The following CNTNAP2 variants were observed in gnomAD, a reference collection of about 807,000 sequenced individuals.
CNTNAP2 encodes contactin-associated protein-like 2.
CNTNAP2 carries 98 observed loss-of-function variants against 155.2 expected under a neutral mutation model. The observed-to-expected ratio is 0.63, with a 90% CI of 0.54 to 0.75. CNTNAP2 has a LOEUF of 0.75. Ranked by LOEUF, CNTNAP2 falls within the 30% of genes least tolerant of loss-of-function variation. The pLI is 0.00. For missense variants in CNTNAP2, 1,727 were observed against 1,688.1 expected, an observed-to-expected ratio of 1.02 and a Z score of -0.40; for synonymous variants, 651 against 631.2, an observed-to-expected ratio of 1.03 and a Z score of -0.47.
At chr7:148,344,942 G>A (rs182835090) in intron 21 of CNTNAP2, among the ~76,000 whole-genome samples, 111 of 152,278 alleles carry the variant, frequency 7.3e-4, no homozygotes, top group Middle Eastern at 3.4e-3. Context: ...AGTCCATGCC[G>A]CGATTTAGCC....
At chr7:146,848,709 G>A (rs2129202554) in intron 3 of CNTNAP2, among the ~76,000 whole-genome samples, 1 of 152,270 alleles carries the variant, frequency 6.6e-6, no homozygotes, top group Middle Eastern at 3.4e-3. Flanking sequence ...GGAATGGAGA[G>A]TGGGATTCTA....
intron 3 of CNTNAP2, among the ~76,000 whole-genome samples, chr7:146,903,207 G>A (rs147009014): frequency 1.2e-3 from 177 of 152,144 alleles, no homozygotes; most frequent in African/African-American, 3.3e-3. Context: ...ATCAAATATC[G>A]GACCTTGAGG....
chr7:148,033,924 C>A (rs1802527123), intron 15 of CNTNAP2, among the ~76,000 whole-genome samples: 1 of 152,042 alleles, frequency 6.6e-6, no homozygotes, highest in Non-Finnish European at 1.5e-5. Context: ...AAAACTCTTT[C>A]AAGGAGAAAC....
chr7:146,955,609 C>T (rs1356594925), intron 3 of CNTNAP2, among the ~76,000 whole-genome samples: 2 of 151,724 alleles, frequency 1.3e-5, no homozygotes, highest in African/African-American at 4.8e-5. Flanking sequence ...ATAAGTTTAT[C>T]GAAGATATTA....
chr7:146,531,677 C>T (rs541691604), intron 1 of CNTNAP2, among the ~76,000 whole-genome samples: 8 of 152,054 alleles, frequency 5.3e-5, no homozygotes, highest in East Asian at 1.9e-4. Flanking sequence ...TCCCAAGTAG[C>T]GGGATTACAG....
chr7:147,421,687 C>A (rs1563198414), intron 10 of CNTNAP2, among the ~76,000 whole-genome samples: 1 of 150,408 alleles, frequency 6.6e-6, no homozygotes, highest in Non-Finnish European at 1.5e-5. Context: ...TTTCCCCACC[C>A]AAATCTCATG....
chr7:148,275,742 G>A (rs939531553), intron 21 of CNTNAP2, among the ~76,000 whole-genome samples: 13 of 152,172 alleles, frequency 8.5e-5, no homozygotes, highest in Non-Finnish European at 8.8e-5. Context: ...TGGGCTCCAA[G>A]AAGGAGCTTT....
At chr7:148,167,258 G>A (rs994977199) in intron 17 of CNTNAP2, among the ~76,000 whole-genome samples, 3 of 152,042 alleles carry the variant, frequency 2.0e-5, no homozygotes, top group African/African-American at 7.3e-5. Context: ...TTCTGCCTCA[G>A]CCTCCCAAGC....
intron 9 of CNTNAP2, among the ~76,000 whole-genome samples, chr7:147,303,317 T>C (rs772870995): frequency 2.6e-5 from 4 of 152,222 alleles, no homozygotes; most frequent in Non-Finnish European, 5.9e-5. Flanking sequence ...ATTAGAGGAC[T>C]TGTTGATTCA....
intron 1 of CNTNAP2, among the ~76,000 whole-genome samples, chr7:146,677,453 G>T (rs980900814): frequency 6.6e-6 from 1 of 152,270 alleles, no homozygotes; most frequent in Admixed American, 6.5e-5. Flanking sequence ...GTCTGCATTG[G>T]TGGTAACAAG....
chr7:146,548,552 C>T (rs1474404759), intron 1 of CNTNAP2, among the ~76,000 whole-genome samples: 1 of 151,978 alleles, frequency 6.6e-6, no homozygotes, highest in Non-Finnish European at 1.5e-5. Flanking sequence ...GAGGTGGTGT[C>T]TCATTGTGGT....
chr7:147,439,159 T>A (rs918021616), intron 10 of CNTNAP2, among the ~76,000 whole-genome samples: 8 of 152,036 alleles, frequency 5.3e-5, no homozygotes, highest in Admixed American at 6.6e-5. Context: ...GCTTTTCCAG[T>A]TCTTTAAGAT....
intron 12 of CNTNAP2, among the ~76,000 whole-genome samples, chr7:147,612,277 A>G (rs767998653): frequency 1.3e-4 from 20 of 152,164 alleles, no homozygotes; most frequent in Non-Finnish European, 2.2e-4. Context: ...CTGAATGTTT[A>G]TATAAAGTTT....
At chr7:147,447,242 C>G (rs564800486) in intron 10 of CNTNAP2, among the ~76,000 whole-genome samples, 2 of 152,236 alleles carry the variant, frequency 1.3e-5, no homozygotes, top group Admixed American at 1.3e-4. Flanking sequence ...CACCTGCATG[C>G]TCTTGTGTAC....
At chr7:146,851,838 G>A (rs1409909087) in intron 3 of CNTNAP2, among the ~76,000 whole-genome samples, 1 of 151,658 alleles carries the variant, frequency 6.6e-6, no homozygotes, top group African/African-American at 2.4e-5. Context: ...ATGTCACCAT[G>A]CCCAGATAAT....
At chr7:146,712,304 C>CA (rs1240514796) in intron 1 of CNTNAP2, among the ~76,000 whole-genome samples, 7 of 122,016 alleles carry the variant, frequency 5.7e-5, no homozygotes, top group East Asian at 4.2e-4. Context: ...CTTATGTATA[C>CA]TATATAGTAT....
At chr7:147,483,087 AAAG>A (rs991510952) in intron 10 of CNTNAP2, among the ~76,000 whole-genome samples, 81 of 152,048 alleles carry the variant, frequency 5.3e-4, no homozygotes, top group African/African-American at 1.3e-3. Flanking sequence ...GAATTATAAG[AAAG>A]AAAAATATTA....
rs771001946 is a variant in CNTNAP2, at chr7:148,311,378, C to T, written c.3475+44252C>T. On this transcript the variant is annotated intron_variant, in intron 21 of 23. Coordinates refer to ENST00000361727, the MANE Select transcript of CNTNAP2 (RefSeq NM_014141.6). Reference sequence around the variant, plus strand: ...TTTGCTAAGGAGGGATTAGAAACGGCTAGGAGAGAATGAGTAAGGTTGATA... The same window carrying T: ...TTTGCTAAGGAGGGATTAGAAACGGTTAGGAGAGAATGAGTAAGGTTGATA... Among the ~76,000 whole-genome samples, 178 of 142,038 alleles carry T rather than the reference C, an allele frequency of 1.3e-3. 1 individual carries two copies. The highest frequency in any genetic ancestry group is 0.01 in the Middle Eastern group (3 of 294). The allele number at this position is 142,038 out of a possible 152,430, so 93.2% of individuals were successfully genotyped here. A position where few individuals can be genotyped will look rare whatever the true frequency, so the allele number is the denominator to read the frequency against.
At chr7:146,800,449 A>G (rs1295332978) in intron 2 of CNTNAP2, among the ~76,000 whole-genome samples, 1 of 152,228 alleles carries the variant, frequency 6.6e-6, no homozygotes, top group Non-Finnish European at 1.5e-5. Context: ...TCTCTCTAGA[A>G]CCAAAGTCTT....
Sources: gnomAD v4.1 joint callset for allele counts (sites outside exome capture counted in the v4.1 genomes callset) on GRCh38, gnomAD v4.1.1 for gene constraint, MANE v1.5 for transcripts, NCBI Gene and HGNC (gene_info 2026-07-23, HGNC 2026-07-21) for gene names.